Variants in SBF2 observed in about 807,000 individuals in gnomAD.
SBF2 encodes the protein SET binding factor 2.
In SBF2, 112 loss-of-function variants were observed where a neutral mutation model predicts 225.2. The observed-to-expected ratio is 0.50, with a 90% CI of 0.43 to 0.58. SBF2 has a LOEUF of 0.58. Among genes scored for constraint, SBF2 ranks in the 20% least tolerant of loss-of-function variants. SBF2 has a pLI of 0.00. For synonymous variants in SBF2, 763 were observed against 773.3 expected (o/e 0.99, Z 0.22); for missense variants, 1,996 against 2,206.2 (o/e 0.90, Z 1.91).
At position 10,294,174 on chromosome 11, in the gene SBF2, G is replaced by A. The variant is rs1417787281; in HGVS notation, c.-105C>T. On this transcript the variant is annotated 5_prime_UTR_variant, in exon 1 of 40. Transcript: ENST00000256190. Reference sequence around the variant, plus strand: ...GCATTTTCCCTGCAGCGGCAGTAGCGGCAGCGGCAGCGCTTCAGCCATGTT... The same window carrying A: ...GCATTTTCCCTGCAGCGGCAGTAGCAGCAGCGGCAGCGCTTCAGCCATGTT... 9 of 836,766 alleles carry A rather than the reference G, an allele frequency of 1.1e-5. No homozygotes were observed. Among genetic ancestry groups the A allele is most frequent in the East Asian group, 3.5e-5 (1 of 28,172 alleles). 51.8% of individuals were successfully genotyped at this position (836,766 alleles called of 1,614,324 possible). A position where few individuals can be genotyped will look rare whatever the true frequency, so the allele number is the denominator to read the frequency against.
chr11:10,160,991 C>T (rs956311584), intron 2 of SBF2, among the ~76,000 whole-genome samples: 1 of 151,780 alleles, frequency 6.6e-6, no homozygotes, highest in African/African-American at 2.4e-5. Context: ...GTTCGAGACA[C>T]GCCTGGCCAA....
At chr11:10,269,953 A>C (rs1397913404) in intron 1 of SBF2, among the ~76,000 whole-genome samples, 1 of 152,128 alleles carries the variant, frequency 6.6e-6, no homozygotes, top group Non-Finnish European at 1.5e-5. Context: ...CTTTTCTACT[A>C]CTAAAATTTA....
At chr11:9,886,919 T>C (rs927577624) in intron 17 of SBF2, among the ~76,000 whole-genome samples, 13 of 152,192 alleles carry the variant, frequency 8.5e-5, no homozygotes, top group Admixed American at 7.2e-4. Context: ...GACTAATCTA[T>C]CTTCTCTGTA....
chr11:10,279,338 G>C (rs914460070), intron 1 of SBF2, among the ~76,000 whole-genome samples: 1 of 151,166 alleles, frequency 6.6e-6, no homozygotes, highest in Non-Finnish European at 1.5e-5. Flanking sequence ...GCTTGAACCC[G>C]GGAGACGGAG....
chr11:9,806,307 C>T (rs145008922), intron 32 of SBF2, among the ~76,000 whole-genome samples: 2 of 152,154 alleles, frequency 1.3e-5, no homozygotes, highest in African/African-American at 2.4e-5. Flanking sequence ...AGTAAGCAGT[C>T]GACACAAATT....
intron 1 of SBF2, among the ~76,000 whole-genome samples, chr11:10,253,332 A>T (rs944497601): frequency 2.6e-5 from 4 of 152,146 alleles, no homozygotes; most frequent in African/African-American, 9.7e-5. Flanking sequence ...ATGAGCCACA[A>T]CTTGTTTCTG....
At chr11:9,894,655 G>C (rs1295824120) in intron 17 of SBF2, among the ~76,000 whole-genome samples, 1 of 152,112 alleles carries the variant, frequency 6.6e-6, no homozygotes, top group African/African-American at 2.4e-5. Flanking sequence ...CTGCACTACA[G>C]CCTGGGCAAC....
intron 11 of SBF2, 130 bp downstream of exon 11, chr11:9,992,860 C>A: frequency 3.0e-6 from 2 of 670,454 alleles, no homozygotes; most frequent in Non-Finnish European, 5.0e-6. Context: ...GATATCTAAC[C>A]ACACAGAGAT....
At chr11:10,103,050 G>T (rs911500504) in intron 2 of SBF2, among the ~76,000 whole-genome samples, 1 of 152,168 alleles carries the variant, frequency 6.6e-6, no homozygotes, top group African/African-American at 2.4e-5. Flanking sequence ...AGAAGAAACA[G>T]ATTCAGTTGG....
At chr11:10,069,094 C>T (rs1227398476) in intron 2 of SBF2, among the ~76,000 whole-genome samples, 1 of 152,234 alleles carries the variant, frequency 6.6e-6, no homozygotes, top group East Asian at 1.9e-4. Flanking sequence ...TTGAATAGTA[C>T]AATGAAACCC....
At chr11:10,166,101 C>T (rs984138706) in intron 2 of SBF2, among the ~76,000 whole-genome samples, 2 of 152,132 alleles carry the variant, frequency 1.3e-5, no homozygotes, top group African/African-American at 2.4e-5. Flanking sequence ...ATTCCCAGCA[C>T]CCAATACCTT....
chr11:10,170,939 T>C (rs79268357), intron 2 of SBF2, among the ~76,000 whole-genome samples: 1 of 152,182 alleles, frequency 6.6e-6, no homozygotes, highest in East Asian at 1.9e-4. Context: ...TTTTTTCAGA[T>C]AGTTCACTGT....
At chr11:10,166,313 T>C (rs1431160485) in intron 2 of SBF2, among the ~76,000 whole-genome samples, 1 of 152,198 alleles carries the variant, frequency 6.6e-6, no homozygotes, top group Non-Finnish European at 1.5e-5. Flanking sequence ...TTTTCATCAC[T>C]ATGCCAGTGA....
At chr11:10,006,658 C>T (rs1948203524) in intron 6 of SBF2, among the ~76,000 whole-genome samples, 2 of 152,152 alleles carry the variant, frequency 1.3e-5, no homozygotes, top group Non-Finnish European at 2.9e-5. Context: ...CCTCTCAAAT[C>T]CAAGGGATGC....
intron 17 of SBF2, among the ~76,000 whole-genome samples, chr11:9,859,929 T>C (rs1857593874): frequency 1.3e-5 from 2 of 152,230 alleles, no homozygotes; most frequent in African/African-American, 4.8e-5. Flanking sequence ...ATAACCTCAA[T>C]TCTCCCTATT....
chr11:10,121,708 C>T (rs1953458981), intron 2 of SBF2, among the ~76,000 whole-genome samples: 1 of 152,208 alleles, frequency 6.6e-6, no homozygotes, highest in Non-Finnish European at 1.5e-5. Context: ...GAATAAATTA[C>T]AGTTGTCCTC....
chr11:9,982,468 A>G (rs1946999191), intron 13 of SBF2, among the ~76,000 whole-genome samples: 1 of 152,170 alleles, frequency 6.6e-6, no homozygotes, highest in Non-Finnish European at 1.5e-5. Context: ...CATAATTTAC[A>G]ATCCAGAGCA....
chr11:10,074,618 T>C (rs928688592), intron 2 of SBF2, among the ~76,000 whole-genome samples: 1 of 152,202 alleles, frequency 6.6e-6, no homozygotes, highest in Non-Finnish European at 1.5e-5. Context: ...TTAGGCTGAT[T>C]AAAAAATATT....
chr11:9,979,566 T>C (rs995542309), intron 13 of SBF2, among the ~76,000 whole-genome samples: 6 of 152,188 alleles, frequency 3.9e-5, no homozygotes, highest in Non-Finnish European at 8.8e-5. Flanking sequence ...ATTTATTATA[T>C]CAGGCATGGT....
Sources: allele counts gnomAD v4.1 joint callset (sites outside exome capture counted in the v4.1 genomes callset), GRCh38; gene constraint gnomAD v4.1.1; transcripts MANE v1.5; gene names NCBI Gene and HGNC (gene_info 2026-07-23, HGNC 2026-07-21).